Variants in EPG5 observed in about 807,000 individuals in gnomAD.
EPG5 encodes ectopic P-granules 5 autophagy tethering factor.
Under a neutral mutation model 302.7 loss-of-function variants are expected in EPG5, and 159 were observed. The observed-to-expected ratio is 0.53, with a 90% CI of 0.46 to 0.60. EPG5 has a LOEUF of 0.60. Among genes scored for constraint, EPG5 ranks in the 20% least tolerant of loss-of-function variants. The pLI, the probability that EPG5 is intolerant of heterozygous loss-of-function variation, is 0.00. For synonymous variants in EPG5, 1,158 were observed against 1,136.8 expected (o/e 1.02, Z -0.37); for missense variants, 2,896 against 3,092.4 (o/e 0.94, Z 1.51).
intron 43 of EPG5, among the ~76,000 whole-genome samples, chr18:45,853,344 G>GA (rs1266211666): frequency 2.0e-5 from 3 of 152,238 alleles, no homozygotes; most frequent in Non-Finnish European, 4.4e-5. Context: ...TCAGAGGAAG[G>GA]AAAGAAAAGC....
intron 27 of EPG5, 36 bp downstream of exon 27, chr18:45,899,368 A>T: frequency 6.2e-7 from 1 of 1,611,286 alleles, no homozygotes; most frequent in East Asian, 2.2e-5. Flanking sequence ...GACTCAATTA[A>T]AATTCTCTCA....
At chr18:45,930,243 T>A (rs2050369714) in intron 12 of EPG5, among the ~76,000 whole-genome samples, 1 of 152,166 alleles carries the variant, frequency 6.6e-6, no homozygotes, top group South Asian at 2.1e-4. Context: ...TGATGTGAGA[T>A]GGCCAATTAA....
chr18:45,926,854 G>C (rs1337128136), intron 13 of EPG5, among the ~76,000 whole-genome samples: 3 of 150,844 alleles, frequency 2.0e-5, no homozygotes, highest in Non-Finnish European at 4.4e-5. Context: ...AAAAACACTT[G>C]AGAAAAATGT....
the EPG5 span, among the ~76,000 whole-genome samples, chr18:45,828,336 C>A: frequency 6.6e-5 from 10 of 152,346 alleles, no homozygotes; most frequent in Non-Finnish European, 1.2e-4. Context: ...CCATACTCGA[C>A]ACCCAGTGCC....
chr18:45,965,883 G>A (rs1427289955), intron 1 of EPG5, among the ~76,000 whole-genome samples: 6 of 151,734 alleles, frequency 4.0e-5, no homozygotes, highest in South Asian at 2.1e-4. Flanking sequence ...GAGAAACCCC[G>A]TCTCTACTAA....
At chr18:45,804,974 A>G in the EPG5 span, among the ~76,000 whole-genome samples, 1 of 152,158 alleles carries the variant, frequency 6.6e-6, no homozygotes, top group African/African-American at 2.4e-5. Flanking sequence ...TACGATTGCA[A>G]GGTTTGCATA....
the EPG5 span, among the ~76,000 whole-genome samples, chr18:45,804,691 T>C: frequency 6.6e-6 from 1 of 152,156 alleles, no homozygotes; most frequent in Non-Finnish European, 1.5e-5. Flanking sequence ...ACTAAGAGAA[T>C]TTATCACTAG....
At chr18:45,915,876 T>A in intron 19 of EPG5, 133 bp downstream of exon 19, 1 of 864,624 alleles carries the variant, frequency 1.2e-6, no homozygotes, top group Non-Finnish European at 1.8e-6. Context: ...CGGGATAAGG[T>A]ACCATTAAGG....
intron 23 of EPG5, among the ~76,000 whole-genome samples, chr18:45,908,776 T>C (rs1172714415): frequency 1.3e-5 from 2 of 152,034 alleles, no homozygotes; most frequent in African/African-American, 2.4e-5. Flanking sequence ...TGGTGAAAGC[T>C]TGTCTCTACT....
In EPG5 at chr18:45,887,853, G is replaced by A. The variant is rs760786906; in HGVS notation, c.5007C>T (p.Gly1669=). 20 of 1,599,916 alleles carry A rather than the reference G, an allele frequency of 1.3e-5. No homozygotes were observed. The East Asian group carries it at 4.5e-4, about 36-fold the overall frequency. Residue 1669 remains glycine (G), a synonymous_variant, in exon 29 of 44, where the codon GGC becomes GGT. Transcript: ENST00000282041. ...LQPTPGIQKV[G]ISLFFTIVDY... is the part of the protein sequence containing the mutation. The stretch of plus-strand genomic sequence containing the variant: ...CCACAATAGTAAAGAAAAGGCTAAT[G>A]CCAACTTTCTGAATCCCAGGTGTAG...
the EPG5 span, among the ~76,000 whole-genome samples, chr18:45,825,333 A>G: frequency 2.1e-5 from 3 of 141,104 alleles, no homozygotes; most frequent in African/African-American, 8.0e-5. Context: ...GGAAGGAGGG[A>G]GGGAGAGGAA....
intron 16 of EPG5, among the ~76,000 whole-genome samples, chr18:45,919,118 G>A (rs2050094241): frequency 6.6e-6 from 1 of 152,170 alleles, no homozygotes; most frequent in African/African-American, 2.4e-5. Flanking sequence ...TTTATGATGG[G>A]AAATATTCTG....
intron 1 of EPG5, among the ~76,000 whole-genome samples, chr18:45,966,523 T>C (rs946119704): frequency 3.4e-5 from 5 of 148,086 alleles, no homozygotes; most frequent in Admixed American, 6.7e-5. Context: ...TATAAACAAA[T>C]CAACTTAAAA....
intron 12 of EPG5, among the ~76,000 whole-genome samples, chr18:45,929,869 G>A (rs1568164536): frequency 6.6e-6 from 1 of 152,180 alleles, no homozygotes; most frequent in Non-Finnish European, 1.5e-5. Context: ...GAACATCCAG[G>A]TTTGTCATTC....
the EPG5 span, among the ~76,000 whole-genome samples, chr18:45,801,804 C>A: frequency 1.3e-5 from 2 of 152,178 alleles, no homozygotes; most frequent in Non-Finnish European, 2.9e-5. Context: ...ACTTAGTCCA[C>A]AGGAAGGAAG....
At chr18:45,956,608 C>A (rs192940220) in intron 1 of EPG5, among the ~76,000 whole-genome samples, 3,589 of 152,118 alleles carry the variant, frequency 0.024, 146 homozygotes, top group African/African-American at 0.082. Context: ...AGGCACCTGA[C>A]TAATTTTTTG....
intron 11 of EPG5, among the ~76,000 whole-genome samples, chr18:45,931,908 TAAG>T (rs2050405135): frequency 6.6e-6 from 1 of 151,430 alleles, no homozygotes. Flanking sequence ...CTTTTCACAG[TAAG>T]AAGGCAACAA....
the EPG5 span, among the ~76,000 whole-genome samples, chr18:45,831,532 G>A: frequency 6.6e-6 from 1 of 152,180 alleles, no homozygotes; most frequent in Non-Finnish European, 1.5e-5. Context: ...CTAACGAGGA[G>A]GCTATTAATT....
At chr18:45,901,303 T>C in intron 25 of EPG5, 136 bp from the exon 26 acceptor site, 3 of 732,114 alleles carry the variant, frequency 4.1e-6, no homozygotes, top group East Asian at 2.7e-5. Flanking sequence ...TTAAAGCTCA[T>C]GATCTTAAAT....
Sources: gnomAD v4.1 joint callset for allele counts (sites outside exome capture counted in the v4.1 genomes callset) on GRCh38, gnomAD v4.1.1 for gene constraint, MANE v1.5 for transcripts, NCBI Gene and HGNC (gene_info 2026-07-23, HGNC 2026-07-21) for gene names.